CBX2: variants seen among roughly 807,000 people sequenced by gnomAD.
CBX2 encodes chromobox 2, also known as chromobox protein homolog 2.
In CBX2, 11 loss-of-function variants were observed where a neutral mutation model predicts 21.0. The ratio of observed to expected loss-of-function variants is 0.52; its 90% CI spans 0.33 to 0.87. The LOEUF is 0.87. CBX2 is among the 40% of genes least tolerant of loss of function. The probability of loss-of-function intolerance (pLI) is 0.02; values close to 1 mark genes in which losing one functional copy is unlikely to be tolerated. For missense variants in CBX2, 746 were observed against 724.3 expected, an observed-to-expected ratio of 1.03 and a Z score of -0.34; for synonymous variants, 364 against 304.6, an observed-to-expected ratio of 1.19 and a Z score of -2.03.
rs138828014 is a variant in CBX2 at position 79,784,781 on chromosome 17, C to G, written c.1338C>G (p.Pro446=). 7.5e-6 allele frequency: 12 copies of G among 1,610,146 alleles called. No homozygotes were observed. The highest frequency in any genetic ancestry group is 2.2e-5 in the South Asian group (2 of 90,722). Residue 446 remains proline (P), a synonymous_variant, in exon 5 of 5, where the codon CCC becomes CCG. Coordinates refer to ENST00000310942, the MANE Select transcript of CBX2 (RefSeq NM_005189.3). The surrounding 1 kb of genome is among the most constrained non-coding windows in gnomAD (Gnocchi z 5.9). ...TPSGQESRTA[P]GEARKAATLP... Reference sequence around the variant, plus strand: ...GTGGGCAGGAGAGCCGCACAGCCCCCGGAGAAGCCCGCAAGGCGGCCACAC... The same window carrying G: ...GTGGGCAGGAGAGCCGCACAGCCCCGGGAGAAGCCCGCAAGGCGGCCACAC...
chr17:79,783,602 G>A (rs1555830910), intron 4 of CBX2, 130 bp from the exon 5 acceptor site: 4 of 776,422 alleles, frequency 5.2e-6, no homozygotes, highest in Non-Finnish European at 8.7e-6. Flanking sequence ...TAGAAACAGG[G>A]CTCCACTATG....
chr17:79,777,540 G>A (rs1329971720), upstream of CBX2, among the ~76,000 whole-genome samples: 2 of 152,216 alleles, frequency 1.3e-5, no homozygotes, highest in African/African-American at 2.4e-5. Context: ...CGCCTTTGGG[G>A]GAAAAAGCCT....
At position 79,786,909 on chromosome 17, in the gene CBX2, A is replaced by C. The variant is rs1555832150; in HGVS notation, c.*1867A>C. On this transcript the variant is annotated 3_prime_UTR_variant, in exon 5 of 5. Transcript: ENST00000310942. ...TGCCTTTGGGGAGGGACCCATGTCCATGGCTTCGTTGAGGGCCATCCATAT... is the reference window on the plus strand; with the variant it reads ...TGCCTTTGGGGAGGGACCCATGTCCCTGGCTTCGTTGAGGGCCATCCATAT... 6.5e-6 allele frequency: 1 copy of C among 152,690 alleles called. No individual in the cohort carries two copies. The highest frequency in any genetic ancestry group is 6.5e-5 in the Admixed American group (1 of 15,276). The allele number at this position is 152,690 out of a possible 1,614,324, so 9.5% of individuals were successfully genotyped here. A position where few individuals can be genotyped will look rare whatever the true frequency, so the allele number is the denominator to read the frequency against.
chr17:79,777,762 C>T (rs574115751), upstream of CBX2, among the ~76,000 whole-genome samples: 1 of 152,192 alleles, frequency 6.6e-6, no homozygotes, highest in Non-Finnish European at 1.5e-5. Flanking sequence ...CGCCCCGTCC[C>T]GCTTCCCTCC....
upstream of CBX2, chr17:79,778,005 G>GCCCCGCCCCGCCCCGCACCCGCC (rs1906851310): frequency 6.9e-6 from 1 of 144,786 alleles, no homozygotes; most frequent in African/African-American, 2.5e-5. The surrounding 1 kb of genome is among the most constrained non-coding windows in gnomAD (Gnocchi z 4.8). Flanking sequence ...GACAATGCGC[G>GCCCCGCCCCGCCCCGCACCCGCC]CCCCGCCCCG....
In CBX2 at chr17:79,784,438, G is replaced by T. The variant is rs200044396; in HGVS notation, c.995G>T (p.Gly332Val). 38 of 1,611,922 alleles carry T rather than the reference G, an allele frequency of 2.4e-5. No individual in the cohort carries two copies. Among genetic ancestry groups the T allele is most frequent in the Non-Finnish European group, 2.9e-5 (34 of 1,179,612 alleles). ...GNTGGPPHTH[G>V]ASRVPAGCPG... ...ACAGGGGGCCCCCCGCACACCCATG[G>T]TGCCAGCAGGGTGCCTGCTGGGTGC... is the stretch of plus-strand genomic sequence containing the variant. The change falls in exon 5 of 5, where the codon GGT becomes GTT. Residue 332 changes from glycine to valine, a missense_variant. By Grantham distance (109) the Gly-to-Val change is moderately radical (BLOSUM62 -3). Transcript: ENST00000310942. The surrounding 1 kb of genome is among the most constrained non-coding windows in gnomAD (Gnocchi z 5.9).
intron 4 of CBX2, chr17:79,782,127 A>C: frequency 1.2e-6 from 2 of 1,613,054 alleles, no homozygotes; most frequent in Non-Finnish European, 1.7e-6. Flanking sequence ...GACGGAAAGG[A>C]ACAGGAAGCA....
At position 79,785,971 on chromosome 17, in the gene CBX2, A is replaced by C. The variant is rs1907607320; in HGVS notation, c.*929A>C. 6.6e-6 allele frequency: 1 copy of C among 152,530 alleles called. No individual in the cohort carries two copies. The highest frequency in any genetic ancestry group is 1.5e-5 in the Non-Finnish European group (1 of 68,292). 9.4% of individuals were successfully genotyped at this position (152,530 alleles called of 1,614,324 possible). A position where few individuals can be genotyped will look rare whatever the true frequency, so the allele number is the denominator to read the frequency against. On this transcript the variant is annotated 3_prime_UTR_variant, in exon 5 of 5. Coordinates refer to ENST00000310942, the MANE Select transcript of CBX2 (RefSeq NM_005189.3). ...CCCACTGAAGCATGTTCCATTTCTA[A>C]AAAGCCCAGAGTTCAGTGTGTCCCA...
rs1555831413 is a variant in CBX2 at position 79,784,873 on chromosome 17, C to G, written c.1430C>G (p.Pro477Arg). 5 of 1,613,342 alleles carry G rather than the reference C, an allele frequency of 3.1e-6. No individual in the cohort carries two copies. The change falls in exon 5 of 5, where the codon CCC (proline) becomes CGC (arginine). Residue 477 changes from proline to arginine, a missense_variant. Around this residue, in one of 2 missense-constraint regions of CBX2, gnomAD observed 701 missense variants for 650.7 expected, o/e 1.08. Coordinates refer to ENST00000310942, the MANE Select transcript of CBX2 (RefSeq NM_005189.3). This position sits in a 1 kb window ranked among gnomAD's most constrained non-coding sequence, Gnocchi z 5.9. ...TCCGACCCCGACTCCGCCTCGCCGC[C>G]CAGCACTGGACAGAACCCGTCAGTG... The part of the protein sequence containing the change: ...SDSDPDSASP[P>R]STGQNPSVSV...
rs9907722 is a variant in CBX2, at chr17:79,780,008, A to G, written c.182+581A>G. Among the ~76,000 whole-genome samples, 324 of 152,350 alleles carry G rather than the reference A, an allele frequency of 2.1e-3. 2 individuals carry two copies. The highest frequency in any genetic ancestry group is 7.5e-3 in the African/African-American group (312 of 41,582). The stretch of plus-strand genomic sequence containing the variant: ...CGGATTGGGCCAGACTTGTTTCTGT[A>G]ATTCTAGATGTCATTTCTATTTTTA... On this transcript the variant is annotated intron_variant, in intron 3 of 4. Transcript: ENST00000310942.
At chr17:79,782,513 T>A in intron 4 of CBX2, 1 of 1,168,986 alleles carries the variant, frequency 8.6e-7, no homozygotes, top group Non-Finnish European at 1.1e-6. Context: ...TTTGATTCCC[T>A]CCTCCGGGCA....
chr17:79,777,629 G>A (rs996993311), upstream of CBX2, among the ~76,000 whole-genome samples: 2 of 151,492 alleles, frequency 1.3e-5, no homozygotes, highest in East Asian at 2.0e-4. Flanking sequence ...TTTTGCTCTC[G>A]TCCAAAACAG....
In CBX2 at chr17:79,781,729, A is replaced by G. The variant is rs1907218286; in HGVS notation, c.216A>G (p.Arg72=). The G allele has an allele frequency of 6.2e-7, 1 of 1,613,894 alleles. No homozygotes were observed. The highest frequency in any genetic ancestry group is 2.2e-5 in the East Asian group (1 of 44,866). The part of the protein sequence containing the change: ...EHEKEVQNRK[R]GKRPRGRPRK... ...AGAAGGAGGTGCAGAACCGGAAGAG[A>G]GGCAAGAGGCCGAGAGGCCGGCCAA... The change falls in exon 4 of 5, where the codon AGA becomes AGG. Residue 72 remains arginine (R), a synonymous_variant. Coordinates refer to ENST00000310942, the MANE Select transcript of CBX2 (RefSeq NM_005189.3).
chr17:79,779,543 C>T (rs762839701), intron 3 of CBX2, 116 bp downstream of exon 3: 352 of 910,088 alleles, frequency 3.9e-4, no homozygotes, highest in Middle Eastern at 1.9e-3. Flanking sequence ...GTCTGAGGTC[C>T]CTTAGCAAGA....
rs782814466 is a variant in CBX2, at chr17:79,779,436, G to A, written c.182+9G>A. 3.1e-5 allele frequency: 50 copies of A among 1,604,840 alleles called. No individual in the cohort carries two copies. Among genetic ancestry groups the A allele is most frequent in the Non-Finnish European group, 4.0e-5 (47 of 1,176,212 alleles). On this transcript the variant is annotated intron_variant, in intron 3 of 4. Transcript: ENST00000310942. Reference sequence around the variant, plus strand: ...CTGGCCTTCCAGAAGAAGTGAGGACGCTGACAGCACTGGGGAGGGTGTGGG... The same window carrying A: ...CTGGCCTTCCAGAAGAAGTGAGGACACTGACAGCACTGGGGAGGGTGTGGG...
At position 79,778,796 on chromosome 17, in the gene CBX2, CT is replaced by C. The variant is rs150418903; in HGVS notation, c.116+380del. On this transcript the variant is annotated intron_variant, in intron 2 of 4. Coordinates refer to ENST00000310942, the MANE Select transcript of CBX2 (RefSeq NM_005189.3). The surrounding 1 kb of genome is among the most constrained non-coding windows in gnomAD (Gnocchi z 4.8). The stretch of plus-strand genomic sequence containing the variant: ...CTTGCTATTGATGGATGTAGAGTTT[CT>C]TTTTTTTTTTCTTTCTTTTAATGGA... 1.6e-4 allele frequency among the ~76,000 whole-genome samples: 23 copies of C among 148,276 alleles called. No homozygotes were observed. The highest frequency in any genetic ancestry group is 3.5e-3 in the Middle Eastern group (1 of 284).
At chr17:79,783,363 C>T (rs1451904409) in intron 4 of CBX2, among the ~76,000 whole-genome samples, 1 of 151,790 alleles carries the variant, frequency 6.6e-6, no homozygotes, top group Non-Finnish European at 1.5e-5. Flanking sequence ...GCATGGCGCT[C>T]TGGACCCTGG....
intron 4 of CBX2, chr17:79,782,154 T>C: frequency 6.2e-7 from 1 of 1,612,748 alleles, no homozygotes. Context: ...CAGTAGGTGC[T>C]CATAGGATTG....
In CBX2 at chr17:79,784,892, G is replaced by A. The variant is rs3751957; in HGVS notation, c.1449G>A (p.Pro483=). The change falls in exon 5 of 5, where the codon CCG becomes CCA. Residue 483 remains proline (P), a synonymous_variant. Coordinates refer to ENST00000310942, the MANE Select transcript of CBX2 (RefSeq NM_005189.3). The surrounding 1 kb of genome is among the most constrained non-coding windows in gnomAD (Gnocchi z 5.9). The stretch of plus-strand genomic sequence containing the variant: ...CGCCGCCCAGCACTGGACAGAACCC[G>A]TCAGTGTCCGTTCAGACCAGCCAGG... ...SASPPSTGQN[P]SVSVQTSQDW... 436,327 of 1,613,006 alleles carry A rather than the reference G, an allele frequency of 0.27. 65,151 individuals are homozygous for A. Among genetic ancestry groups the A allele is most frequent in the African/African-American group, 0.61 (45,767 of 74,962 alleles).
Sources: allele counts gnomAD v4.1 joint callset (sites outside exome capture counted in the v4.1 genomes callset), GRCh38; gene constraint gnomAD v4.1.1; regional missense constraint gnomAD v4.1.1; non-coding constraint Gnocchi (gnomAD v3.1); transcripts MANE v1.5; gene names NCBI Gene and HGNC (gene_info 2026-07-23, HGNC 2026-07-21).